SYT1: variants seen among roughly 807,000 people sequenced by gnomAD.
The protein encoded by SYT1 is synaptotagmin-1.
In SYT1, 8 loss-of-function variants were observed where a neutral mutation model predicts 44.8. The observed-to-expected ratio is 0.18, with a 90% confidence interval of 0.10 to 0.32. SYT1 has a LOEUF of 0.32. Among genes scored for constraint, SYT1 ranks in the 10% least tolerant of loss-of-function variants. SYT1 has a pLI of 1.00. For synonymous variants in SYT1, 154 were observed against 188.8 expected, an observed-to-expected ratio of 0.82 and a Z score of 1.51; for missense variants, 286 against 509.3, an observed-to-expected ratio of 0.56 and a Z score of 4.22.
chr12:78,881,574 A>G (rs760675416), intron 1 of SYT1, among the ~76,000 whole-genome samples: 5 of 151,734 alleles, frequency 3.3e-5, no homozygotes, highest in Non-Finnish European at 7.4e-5. Context: ...AACTTCTAAA[A>G]TATGCACAGA....
At chr12:78,894,434 C>A (rs1368525504) in intron 1 of SYT1, among the ~76,000 whole-genome samples, 2 of 126,596 alleles carry the variant, frequency 1.6e-5, no homozygotes, top group Admixed American at 2.0e-4. Flanking sequence ...TGTACCCAAG[C>A]CTTATGACTT....
intron 3 of SYT1, among the ~76,000 whole-genome samples, chr12:79,169,368 T>C (rs773414649): frequency 4.0e-5 from 6 of 150,408 alleles, no homozygotes; most frequent in Non-Finnish European, 7.5e-5. Context: ...AAATTATAAA[T>C]GGTATGAAAA....
intron 9 of SYT1, among the ~76,000 whole-genome samples, chr12:79,376,139 AC>A (rs1883986115): frequency 6.6e-6 from 1 of 152,158 alleles, no homozygotes; most frequent in South Asian, 2.1e-4. Flanking sequence ...TCTAAATGTT[AC>A]AGGAAAGGGG....
chr12:78,970,859 C>G (rs1053628392), intron 1 of SYT1, among the ~76,000 whole-genome samples: 13 of 152,056 alleles, frequency 8.5e-5, no homozygotes, highest in African/African-American at 2.4e-4. Flanking sequence ...TGGAGATTTA[C>G]TATTATACCC....
intron 3 of SYT1, among the ~76,000 whole-genome samples, chr12:79,178,948 A>ATC (rs371833375): frequency 0.57 from 30,444 of 53,034 alleles, 12,069 homozygotes; most frequent in African/African-American, 0.76. Flanking sequence ...ATATAGATAT[A>ATC]GATATAGATA....
At chr12:79,294,040 C>T (rs916931978) in intron 6 of SYT1, among the ~76,000 whole-genome samples, 18 of 152,158 alleles carry the variant, frequency 1.2e-4, no homozygotes, top group South Asian at 2.1e-4. Flanking sequence ...AAAATTTAAT[C>T]TGGCTTTCTA....
At chr12:79,261,922 T>A (rs1193319680) in intron 4 of SYT1, among the ~76,000 whole-genome samples, 2 of 152,158 alleles carry the variant, frequency 1.3e-5, no homozygotes, top group African/African-American at 4.8e-5. Flanking sequence ...TGTTTTATTA[T>A]TTTACTCTCT....
intron 9 of SYT1, among the ~76,000 whole-genome samples, chr12:79,354,333 T>C (rs1883028584): frequency 6.6e-6 from 1 of 152,238 alleles, no homozygotes; most frequent in South Asian, 2.1e-4. Context: ...CGCTAAATCA[T>C]TAAAGTGTGA....
At chr12:78,971,122 C>T (rs1868369331) in intron 1 of SYT1, among the ~76,000 whole-genome samples, 1 of 152,110 alleles carries the variant, frequency 6.6e-6, no homozygotes, top group Non-Finnish European at 1.5e-5. Context: ...TGAGATTGCA[C>T]CACTGCACTC....
In SYT1 at chr12:79,234,696, CTTTCTTTCTTTCTTTCT is replaced by C. The variant is rs1445869289; in HGVS notation, c.166+17015_166+17031del. On this transcript the variant is annotated intron_variant, in intron 4 of 10. Transcript: ENST00000261205. ...ATTTCTAGTTTGGGGCTTTTTCTTT[CTTTCTTTCTTTCTTTCT>C]TTTTTTTTTTTTTTTTGAGATGAAG... 1.1e-4 allele frequency among the ~76,000 whole-genome samples: 9 copies of C among 80,524 alleles called. No homozygotes were observed. The Admixed American group carries it at 1.3e-3, about 12-fold the overall frequency. The allele number at this position is 80,524 out of a possible 152,430, so 52.8% of individuals were successfully genotyped here.
intron 3 of SYT1, among the ~76,000 whole-genome samples, chr12:79,130,185 TCA>T (rs1039404071): frequency 6.6e-6 from 1 of 152,206 alleles, no homozygotes; most frequent in African/African-American, 2.4e-5. Context: ...AAGTGTTTTT[TCA>T]CAGTGAGCTG....
chr12:78,913,019 G>A (rs1476914206), intron 1 of SYT1, among the ~76,000 whole-genome samples: 2 of 151,734 alleles, frequency 1.3e-5, no homozygotes, highest in Admixed American at 6.6e-5. Flanking sequence ...TCTACTGGAT[G>A]TTATTGAGTC....
intron 1 of SYT1, among the ~76,000 whole-genome samples, chr12:78,876,463 G>GTTT (rs1555177002): frequency 2.4e-4 from 10 of 41,536 alleles, no homozygotes; most frequent in South Asian, 7.6e-4. Context: ...AAATGGAGGT[G>GTTT]TTTTTTTTTT....
At chr12:79,446,015 A>ATATATG (rs1870702284) in intron 10 of SYT1, among the ~76,000 whole-genome samples, 4 of 113,606 alleles carry the variant, frequency 3.5e-5, no homozygotes, top group African/African-American at 6.8e-5. Flanking sequence ...ATATATATAT[A>ATATATG]TATATATATA....
chr12:79,370,104 G>C (rs951826840), intron 9 of SYT1, among the ~76,000 whole-genome samples: 1 of 152,048 alleles, frequency 6.6e-6, no homozygotes, highest in Non-Finnish European at 1.5e-5. Flanking sequence ...TCAAAAATGA[G>C]TCTCCGGCAA....
chr12:78,970,183 A>G (rs1868341760), intron 1 of SYT1, among the ~76,000 whole-genome samples: 1 of 152,224 alleles, frequency 6.6e-6, no homozygotes, highest in Non-Finnish European at 1.5e-5. Flanking sequence ...TTACAGAAAG[A>G]AAGGAAAAAA....
intron 1 of SYT1, among the ~76,000 whole-genome samples, chr12:78,912,388 T>C (rs1353420782): frequency 6.6e-6 from 1 of 151,900 alleles, no homozygotes; most frequent in Non-Finnish European, 1.5e-5. Context: ...TTAAAGAGAA[T>C]AGCATTGAGA....
At chr12:79,425,234 A>T (rs1206523732) in intron 9 of SYT1, among the ~76,000 whole-genome samples, 1 of 151,962 alleles carries the variant, frequency 6.6e-6, no homozygotes, top group East Asian at 1.9e-4. Context: ...AGGAATGTTC[A>T]TATTTTCTGC....
intron 8 of SYT1, among the ~76,000 whole-genome samples, chr12:79,310,953 A>G (rs373844556): frequency 0.011 from 1,606 of 152,314 alleles, 31 homozygotes; most frequent in African/African-American, 0.036. Flanking sequence ...CAATCATGTC[A>G]TCTGCAAACA....
Sources: gnomAD v4.1 joint callset for allele counts (sites outside exome capture counted in the v4.1 genomes callset) on GRCh38, gnomAD v4.1.1 for gene constraint, MANE v1.5 for transcripts, NCBI Gene and HGNC (gene_info 2026-07-23, HGNC 2026-07-21) for gene names.